ARHGEF38: variants seen among roughly 807,000 people sequenced by gnomAD.
ARHGEF38 encodes the protein Rho guanine nucleotide exchange factor 38.
Under a neutral mutation model 79.9 loss-of-function variants are expected in ARHGEF38, and 79 were observed. The ratio of observed to expected loss-of-function variants is 0.99; its 90% CI spans 0.82 to 1.19. The LOEUF (loss-of-function observed/expected upper bound fraction) is 1.19, where lower values mean the gene tolerates loss of function less well. Among genes scored for constraint, ARHGEF38 ranks in the 50% most tolerant of loss-of-function variants. ARHGEF38 has a pLI of 0.00. For synonymous variants in ARHGEF38, 366 were observed against 328.3 expected, an observed-to-expected ratio of 1.11 and a Z score of -1.24; for missense variants, 962 against 907.2, an observed-to-expected ratio of 1.06 and a Z score of -0.78.
chr4:105,561,464 A>AGAATAGAATAGAATG (rs1560684546), intron 1 of ARHGEF38: 1 of 44,604 alleles, frequency 2.2e-5, no homozygotes, highest in East Asian at 4.8e-4. Flanking sequence ...AGAATAGAAT[A>AGAATAGAATAGAATG]GAATAGAATA....
chr4:105,615,845 G>T (rs1181503503), intron 3 of ARHGEF38, among the ~76,000 whole-genome samples: 1 of 152,140 alleles, frequency 6.6e-6, no homozygotes, highest in African/African-American at 2.4e-5. Flanking sequence ...ATTGCCACAT[G>T]CAGGGAAGTG....
chr4:105,630,209 C>G (rs1453320467), intron 3 of ARHGEF38, among the ~76,000 whole-genome samples: 1 of 151,734 alleles, frequency 6.6e-6, no homozygotes, highest in East Asian at 1.9e-4. Context: ...TGTAGCACAG[C>G]CTGACTCAAA....
At chr4:105,633,629 C>T (rs1221918141) in intron 4 of ARHGEF38, among the ~76,000 whole-genome samples, 1 of 152,094 alleles carries the variant, frequency 6.6e-6, no homozygotes, top group African/African-American at 2.4e-5. Flanking sequence ...CTTCATGCCT[C>T]AGAAGTTAAG....
At chr4:105,567,108 A>T (rs1268733076) in intron 1 of ARHGEF38, among the ~76,000 whole-genome samples, 1 of 152,174 alleles carries the variant, frequency 6.6e-6, no homozygotes, top group Non-Finnish European at 1.5e-5. Context: ...GATAAGTGAG[A>T]ACATGCAAAG....
intron 7 of ARHGEF38, among the ~76,000 whole-genome samples, chr4:105,651,406 A>G (rs1730099817): frequency 1.3e-5 from 2 of 152,202 alleles, no homozygotes; most frequent in South Asian, 2.1e-4. Flanking sequence ...GGAAGATTCT[A>G]TTCAATTCAT....
At chr4:105,639,327 C>T (rs577927090) in intron 5 of ARHGEF38, among the ~76,000 whole-genome samples, 4 of 151,998 alleles carry the variant, frequency 2.6e-5, no homozygotes, top group Non-Finnish European at 4.4e-5. Flanking sequence ...TATCATCTGA[C>T]TTTTAACACA....
chr4:105,648,002 G>T (rs1442803414), intron 6 of ARHGEF38, among the ~76,000 whole-genome samples: 1 of 149,432 alleles, frequency 6.7e-6, no homozygotes, highest in African/African-American at 2.5e-5. Flanking sequence ...AGATTGTCCT[G>T]CCTCAGCCTC....
chr4:105,655,863 G>T, intron 9 of ARHGEF38, 141 bp downstream of exon 9: 1 of 981,954 alleles, frequency 1.0e-6, no homozygotes, highest in South Asian at 2.1e-5. Flanking sequence ...GATTTAAATG[G>T]GATTTTTTTA....
chr4:105,640,459 A>T (rs886703929), intron 5 of ARHGEF38, among the ~76,000 whole-genome samples: 4 of 152,126 alleles, frequency 2.6e-5, no homozygotes, highest in African/African-American at 9.7e-5. Flanking sequence ...AGACAACCAG[A>T]TGCATTATGT....
At chr4:105,606,011 A>C (rs1728021661) in intron 2 of ARHGEF38, among the ~76,000 whole-genome samples, 1 of 152,118 alleles carries the variant, frequency 6.6e-6, no homozygotes, top group African/African-American at 2.4e-5. Context: ...CTTCAGCATT[A>C]ATAATGGATC....
intron 13 of ARHGEF38, among the ~76,000 whole-genome samples, chr4:105,668,811 G>C (rs1163084232): frequency 6.6e-6 from 1 of 152,114 alleles, no homozygotes; most frequent in African/African-American, 2.4e-5. Context: ...ATTTTGTGAG[G>C]CTGAGGTGGG....
chr4:105,610,309 C>T (rs1357124881), intron 2 of ARHGEF38, among the ~76,000 whole-genome samples: 1 of 151,984 alleles, frequency 6.6e-6, no homozygotes, highest in Non-Finnish European at 1.5e-5. Context: ...ATGTTATGCA[C>T]ATGTATCCCA....
chr4:105,564,922 G>T (rs563736339), intron 1 of ARHGEF38, among the ~76,000 whole-genome samples: 1 of 152,144 alleles, frequency 6.6e-6, no homozygotes, highest in African/African-American at 2.4e-5. Flanking sequence ...TACATTTTAA[G>T]CTTGGGTCAG....
At chr4:105,573,757 CA>C (rs144542415) in intron 1 of ARHGEF38, among the ~76,000 whole-genome samples, 5,464 of 148,692 alleles carry the variant, frequency 0.037, 305 homozygotes, top group African/African-American at 0.12. Flanking sequence ...TTTATTTCTA[CA>C]AAAAAAAATT....
intron 1 of ARHGEF38, among the ~76,000 whole-genome samples, chr4:105,572,550 C>A (rs948418749): frequency 1.3e-5 from 2 of 152,148 alleles, no homozygotes; most frequent in African/African-American, 4.8e-5. Context: ...TCTCTTCCCC[C>A]CAATCCTCAG....
At chr4:105,661,478 TTA>T (rs1730560080) in intron 10 of ARHGEF38, among the ~76,000 whole-genome samples, 277 of 14,804 alleles carry the variant, frequency 0.019, 3 homozygotes, top group African/African-American at 0.047. Context: ...CACCTCTTTA[TTA>T]TTATTATTAT....
intron 5 of ARHGEF38, among the ~76,000 whole-genome samples, chr4:105,640,910 C>G (rs1214857100): frequency 1.3e-5 from 2 of 151,976 alleles, no homozygotes; most frequent in Non-Finnish European, 2.9e-5. Flanking sequence ...ATTATAGAGT[C>G]TTCTTTTTGT....
chr4:105,658,857 C>A (rs1327651027), intron 9 of ARHGEF38, among the ~76,000 whole-genome samples, 197 bp from the exon 10 acceptor site: 3 of 152,170 alleles, frequency 2.0e-5, no homozygotes, highest in Non-Finnish European at 4.4e-5. Context: ...AATGTTACAA[C>A]CTAGAGCTCC....
At position 105,679,782 on chromosome 4, in the gene ARHGEF38, T is replaced by A; in HGVS notation, c.*1845T>A. ...TGATAAAAACATATACAAACCCCTGTCTGTCCAGCTTTACCCACGCATCCA... is the reference window on the plus strand; with the variant it reads ...TGATAAAAACATATACAAACCCCTGACTGTCCAGCTTTACCCACGCATCCA... On this transcript the variant is annotated 3_prime_UTR_variant, in exon 14 of 14. Coordinates refer to ENST00000420470, the MANE Select transcript of ARHGEF38 (RefSeq NM_001242729.2). The A allele has an allele frequency of 1.0e-6, 1 of 1,000,190 alleles. No individual in the cohort carries two copies. Among genetic ancestry groups the A allele is most frequent in the Non-Finnish European group, 1.6e-6 (1 of 628,170 alleles). 62.0% of individuals were successfully genotyped at this position (1,000,190 alleles called of 1,614,324 possible). A position where few individuals can be genotyped will look rare whatever the true frequency, so the allele number is the denominator to read the frequency against.
Sources: gnomAD v4.1 joint callset for allele counts (sites outside exome capture counted in the v4.1 genomes callset) on GRCh38, gnomAD v4.1.1 for gene constraint, MANE v1.5 for transcripts, NCBI Gene and HGNC (gene_info 2026-07-23, HGNC 2026-07-21) for gene names.